Variants in UBE3D observed in about 807,000 individuals in gnomAD.
UBE3D encodes E3 ubiquitin-protein ligase E3D.
In UBE3D, 48 loss-of-function variants were observed where a neutral mutation model predicts 49.6. That is an observed-to-expected ratio of 0.97 (90% CI 0.77 to 1.23). The LOEUF (loss-of-function observed/expected upper bound fraction) is 1.23. Ranked by LOEUF, UBE3D falls within the 50% of genes most tolerant of loss-of-function variation. The probability of loss-of-function intolerance (pLI) is 0.00; values close to 1 mark genes in which losing one functional copy is unlikely to be tolerated. For synonymous variants in UBE3D, 189 were observed against 174.2 expected (o/e 1.08, Z -0.67); for missense variants, 452 against 468.4 (o/e 0.96, Z 0.32).
At position 83,046,672 on chromosome 6, in the gene UBE3D, C is replaced by CAG. The variant is rs144340435; in HGVS notation, c.366-2014_366-2013insCT. On this transcript the variant is annotated intron_variant, in intron 3 of 9. Coordinates refer to ENST00000369747, the MANE Select transcript of UBE3D (RefSeq NM_198920.3). ...AACGGTTCTAAATTCTTGCAGTTGG[C>CAG]GGGGGGGGTGGGCGGTGGCACCGGG... is the stretch of plus-strand genomic sequence containing the variant. 3.8e-5 allele frequency among the ~76,000 whole-genome samples: 4 copies of CAG among 105,106 alleles called. 1 individual carries two copies. Among genetic ancestry groups the CAG allele is most frequent in the South Asian group, 7.0e-4 (2 of 2,838 alleles). 69.0% of individuals were successfully genotyped at this position (105,106 alleles called of 152,430 possible). A position where few individuals can be genotyped will look rare whatever the true frequency, so the allele number is the denominator to read the frequency against.
At chr6:83,033,117 GGCAAA>G (rs1159303883) in intron 5 of UBE3D, among the ~76,000 whole-genome samples, 1 of 152,096 alleles carries the variant, frequency 6.6e-6, no homozygotes, top group Non-Finnish European at 1.5e-5. Flanking sequence ...CATGGTGGCA[GGCAAA>G]GAAGGAGCAA....
At chr6:82,970,373 T>TA (rs538664550) in intron 8 of UBE3D, among the ~76,000 whole-genome samples, 1 of 151,818 alleles carries the variant, frequency 6.6e-6, no homozygotes, top group Non-Finnish European at 1.5e-5. Flanking sequence ...GTATTGCTAA[T>TA]AAAAAAAATT....
At chr6:83,049,144 G>T (rs924281162) in intron 3 of UBE3D, among the ~76,000 whole-genome samples, 4 of 151,958 alleles carry the variant, frequency 2.6e-5, no homozygotes, top group Non-Finnish European at 4.4e-5. Flanking sequence ...TAGAGGCAAA[G>T]AAAAATGAAG....
intron 5 of UBE3D, chr6:83,037,105 T>C (rs572485284): frequency 6.6e-6 from 1 of 152,264 alleles, no homozygotes; most frequent in South Asian, 2.1e-4. Flanking sequence ...AGTAGCTGTA[T>C]ATATACACTT....
Position 82,957,446 on chromosome 6 carries a change from C to T in UBE3D, c.1015G>A (p.Val339Ile). The T allele has an allele frequency of 6.2e-7, 1 of 1,613,788 alleles. No individual in the cohort carries two copies. Among genetic ancestry groups the T allele is most frequent in the Non-Finnish European group, 8.5e-7 (1 of 1,179,888 alleles). Residue 339 changes from valine (V) to isoleucine (I), a missense_variant, in exon 9 of 10, where the codon GTC becomes ATC. Physicochemically the swap from Val to Ile is conservative, Grantham distance 29. Transcript: ENST00000369747. ...PCIKSRNEKL[V>I]SLWESDISVH... The stretch of plus-strand genomic sequence containing the variant: ...CTGATGTCACTTTCCCACAAGCTGA[C>T]AAGTCTGGAACACACCAACACATTA...
At chr6:82,937,203 C>T (rs1239738572) in intron 9 of UBE3D, among the ~76,000 whole-genome samples, 3 of 152,152 alleles carry the variant, frequency 2.0e-5, no homozygotes, top group African/African-American at 7.2e-5. Context: ...TGATTACTCA[C>T]TACCAGGAGG....
chr6:82,917,162 A>C (rs1446294100), intron 9 of UBE3D, among the ~76,000 whole-genome samples: 1 of 152,220 alleles, frequency 6.6e-6, no homozygotes. Context: ...AAATTCTCAT[A>C]ATGAAATTAA....
intron 4 of UBE3D, among the ~76,000 whole-genome samples, chr6:83,043,560 A>T (rs1782820014): frequency 6.6e-6 from 1 of 152,200 alleles, no homozygotes; most frequent in Admixed American, 6.5e-5. Flanking sequence ...CCCTCAGAAT[A>T]GTTCTATAAA....
At chr6:83,065,060 C>T (rs1784407611) in intron 1 of UBE3D, among the ~76,000 whole-genome samples, 2 of 152,332 alleles carry the variant, frequency 1.3e-5, no homozygotes, top group South Asian at 4.1e-4. Flanking sequence ...TTGACGTTCT[C>T]ACTGGAAGGA....
chr6:83,001,061 C>T lies in UBE3D; in HGVS notation c.1010+17912G>A, dbSNP rs187848428. ...GTTTCTCCATGTTGGTCAGGCTGGT[C>T]TCGAACTCCCTACCTCAGGTGATCT... On this transcript the variant is annotated intron_variant, in intron 8 of 9. Coordinates refer to ENST00000369747, the MANE Select transcript of UBE3D (RefSeq NM_198920.3). 4.0e-4 allele frequency among the ~76,000 whole-genome samples: 61 copies of T among 152,248 alleles called. 1 individual carries two copies. The East Asian group carries it at 9.3e-3, about 23-fold the overall frequency.
rs552475718 is a variant in UBE3D at position 82,908,253 on chromosome 6, G to T, written c.1150-15211C>A. Among the ~76,000 whole-genome samples the T allele has an allele frequency of 2.6e-5, 4 of 152,226 alleles. No individual in the cohort carries two copies. The East Asian group carries it at 7.7e-4, about 29-fold the overall frequency. On this transcript the variant is annotated intron_variant, in intron 9 of 9. Transcript: ENST00000369747. ...GGATATGATCTAAATCTTCTTTTAG[G>T]ATAATGGTTACATGGGTGTGTATTA...
In UBE3D at chr6:83,040,786, C is replaced by T. The variant is rs376759524; in HGVS notation, c.598-2301G>A. Among the ~76,000 whole-genome samples the T allele has an allele frequency of 3.9e-3, 600 of 152,318 alleles. 3 individuals carry two copies. The highest frequency in any genetic ancestry group is 0.014 in the African/African-American group (565 of 41,576). On this transcript the variant is annotated intron_variant, in intron 4 of 9. Coordinates refer to ENST00000369747, the MANE Select transcript of UBE3D (RefSeq NM_198920.3). ...GGCCCCACAGTGTGCCATCTCTGGC[C>T]ATTGCACTGACATCCTTATCAGGCA...
chr6:82,932,105 G>A (rs531168689), intron 9 of UBE3D, among the ~76,000 whole-genome samples: 2 of 152,148 alleles, frequency 1.3e-5, no homozygotes, highest in South Asian at 4.2e-4. Flanking sequence ...CCCCTTCCAC[G>A]ATGATTGTAA....
Position 82,998,039 on chromosome 6 carries a change from T to C in UBE3D, c.1010+20934A>G, listed in dbSNP as rs574444825. Among the ~76,000 whole-genome samples the C allele has an allele frequency of 3.9e-5, 6 of 152,314 alleles. No individual in the cohort carries two copies. The South Asian group carries it at 1.2e-3, about 32-fold the overall frequency. On this transcript the variant is annotated intron_variant, in intron 8 of 9. Transcript: ENST00000369747. Reference sequence around the variant, plus strand: ...AAGAGTAAGGTTCTGGCAGTTGATATTGTGCAGTGAGGCAGAGGGTGTCCC... The same window carrying C: ...AAGAGTAAGGTTCTGGCAGTTGATACTGTGCAGTGAGGCAGAGGGTGTCCC...
intron 6 of UBE3D, 61 bp from the exon 7 acceptor site, chr6:83,022,622 T>A: frequency 3.1e-6 from 4 of 1,278,946 alleles, no homozygotes; most frequent in Admixed American, 2.9e-5. Flanking sequence ...ACTGGCAAGA[T>A]AAGCAAAAAA....
At chr6:83,057,683 A>G (rs1783897992) in intron 2 of UBE3D, 143 bp downstream of exon 2, 1 of 734,666 alleles carries the variant, frequency 1.4e-6, no homozygotes, top group Admixed American at 2.6e-5. Flanking sequence ...AATTGCATAC[A>G]GCCAATAACT....
chr6:83,037,018 G>A (rs1782311316), intron 5 of UBE3D: 1 of 152,188 alleles, frequency 6.6e-6, no homozygotes, highest in South Asian at 2.1e-4. Context: ...AAAAAAGGGT[G>A]TGGGGGAGGT....
chr6:82,909,590 A>G (rs1473084994), intron 9 of UBE3D, among the ~76,000 whole-genome samples: 1 of 152,172 alleles, frequency 6.6e-6, no homozygotes, highest in East Asian at 1.9e-4. Context: ...AAGCATTCAC[A>G]TCTGCTTTCT....
At chr6:83,003,534 C>T (rs556788617) in intron 8 of UBE3D, among the ~76,000 whole-genome samples, 3 of 152,254 alleles carry the variant, frequency 2.0e-5, no homozygotes, top group South Asian at 2.1e-4. Context: ...CGCTTAACAA[C>T]GTGCATACAT....
Sources: allele counts gnomAD v4.1 joint callset (sites outside exome capture counted in the v4.1 genomes callset), GRCh38; gene constraint gnomAD v4.1.1; transcripts MANE v1.5; gene names NCBI Gene and HGNC (gene_info 2026-07-23, HGNC 2026-07-21).